The following LRRC20 variants were observed in gnomAD, a reference collection of about 807,000 sequenced individuals.
LRRC20 encodes the protein leucine-rich repeat-containing protein 20.
A neutral mutation model predicts 14.4 loss-of-function variants in LRRC20; 11 were observed. The observed-to-expected ratio is 0.77, with a 90% CI of 0.48 to 1.27. LRRC20 has a LOEUF of 1.27. Ranked by LOEUF, LRRC20 falls within the 50% of genes most tolerant of loss-of-function variation. The pLI, the probability that LRRC20 is intolerant of heterozygous loss-of-function variation, is 0.00. For missense variants in LRRC20, 219 were observed against 251.2 expected (o/e 0.87, Z 0.87); for synonymous variants, 121 against 107.3 (o/e 1.13, Z -0.79).
intron 2 of LRRC20, among the ~76,000 whole-genome samples, chr10:70,365,495 T>G (rs577864947): frequency 6.6e-6 from 1 of 152,196 alleles, no homozygotes; most frequent in African/African-American, 2.4e-5. Flanking sequence ...AAAAGTATCA[T>G]GTATAAAAGA....
At chr10:70,373,109 C>CAA (rs11356424) in intron 2 of LRRC20, among the ~76,000 whole-genome samples, 1 of 150,400 alleles carries the variant, frequency 6.6e-6, no homozygotes, top group Non-Finnish European at 1.5e-5. Context: ...GACTCCATCT[C>CAA]AAAAAAAAAA....
At chr10:70,364,910 C>A (rs1332573034) in intron 2 of LRRC20, among the ~76,000 whole-genome samples, 1 of 152,174 alleles carries the variant, frequency 6.6e-6, no homozygotes, top group East Asian at 1.9e-4. Flanking sequence ...AGGCAATGCC[C>A]CTGCCCCACC....
In LRRC20 at chr10:70,323,840, C is replaced by A. The variant is rs143872768; in HGVS notation, c.400+23G>T. 1,128 of 1,613,338 alleles carry A rather than the reference C, an allele frequency of 7.0e-4. 19 individuals carry two copies. In the East Asian group the frequency reaches 0.021, roughly 30 times the overall value. Reference sequence around the variant, plus strand: ...GAGCGCCTCGTGCAGCAGCCCAGGGCCAGGTGGGCCAGGCCCACTCACCTA... The same window carrying A: ...GAGCGCCTCGTGCAGCAGCCCAGGGACAGGTGGGCCAGGCCCACTCACCTA... On this transcript the variant is annotated intron_variant, in intron 4 of 4. Transcript: ENST00000446961.
chr10:70,324,128 G>C, intron 3 of LRRC20, 98 bp from the exon 4 acceptor site: 1 of 1,140,398 alleles, frequency 8.8e-7, no homozygotes, highest in South Asian at 1.3e-5. Flanking sequence ...CCTGGGCCAG[G>C]AAGGCACAGA....
chr10:70,321,317 G>A (rs1289518280), intron 4 of LRRC20, among the ~76,000 whole-genome samples: 6 of 152,102 alleles, frequency 3.9e-5, no homozygotes, highest in South Asian at 4.1e-4. Flanking sequence ...CCCTACCTTC[G>A]TCGCTGTCAC....
chr10:70,373,168 A>G (rs7080106), intron 2 of LRRC20, among the ~76,000 whole-genome samples: 147,573 of 152,244 alleles, frequency 0.97, 71,672 homozygotes, highest in Non-Finnish European at 1. Context: ...TTCTGGTGCT[A>G]GATGTTTAGG....
intron 2 of LRRC20, among the ~76,000 whole-genome samples, chr10:70,349,839 T>G (rs891536100): frequency 6.6e-6 from 1 of 152,170 alleles, no homozygotes; most frequent in African/African-American, 2.4e-5. Context: ...TAAGCAGGAC[T>G]TTCCTAATTT....
chr10:70,303,743 C>T (rs975099365), intron 4 of LRRC20, among the ~76,000 whole-genome samples: 6 of 152,168 alleles, frequency 3.9e-5, no homozygotes, highest in African/African-American at 1.4e-4. Flanking sequence ...TTAAGACAGC[C>T]CTAAGCTGAT....
chr10:70,321,968 C>T (rs1034040067), intron 4 of LRRC20, among the ~76,000 whole-genome samples: 5 of 152,226 alleles, frequency 3.3e-5, no homozygotes, highest in African/African-American at 9.6e-5. Flanking sequence ...CCAAAACAGC[C>T]GATCTTTGCT....
intron 4 of LRRC20, among the ~76,000 whole-genome samples, chr10:70,309,297 T>G (rs1197108201): frequency 6.6e-6 from 1 of 152,222 alleles, no homozygotes; most frequent in Non-Finnish European, 1.5e-5. Context: ...TGGGAACTGA[T>G]GTTTGAGGCC....
intron 4 of LRRC20, among the ~76,000 whole-genome samples, chr10:70,320,992 T>C (rs1842057577): frequency 6.6e-6 from 1 of 152,202 alleles, no homozygotes; most frequent in Non-Finnish European, 1.5e-5. Context: ...CCTCCCCGTC[T>C]TTCCAGCGCC....
At chr10:70,301,599 T>A in intron 4 of LRRC20, 91 bp from the exon 5 acceptor site, 1 of 1,471,390 alleles carries the variant, frequency 6.8e-7, no homozygotes, top group Non-Finnish European at 9.3e-7. Context: ...GAGCACCTGA[T>A]GGTGAGGGGC....
intron 2 of LRRC20, among the ~76,000 whole-genome samples, chr10:70,373,608 A>G (rs1376017027): frequency 6.6e-6 from 1 of 152,194 alleles, no homozygotes. Flanking sequence ...ACAGATGCAA[A>G]GGATCCCTGT....
rs1841128863 is a variant in LRRC20 at position 70,300,477 on chromosome 10, A to G, written c.*877T>C. 1.0e-6 allele frequency: 1 copy of G among 985,602 alleles called. No homozygotes were observed. The highest frequency in any genetic ancestry group is 1.2e-6 in the Non-Finnish European group (1 of 830,062). The allele number at this position is 985,602 out of a possible 1,614,324, so 61.1% of individuals were successfully genotyped here. A position where few individuals can be genotyped will look rare whatever the true frequency, so the allele number is the denominator to read the frequency against. On this transcript the variant is annotated 3_prime_UTR_variant, in exon 5 of 5. Transcript: ENST00000446961. ...CGCCTTCTGCCCCCAGGAGGCCATGACAAGGCAGCCAGGCTGCTGCTGGAC... is the reference window on the plus strand; with the variant it reads ...CGCCTTCTGCCCCCAGGAGGCCATGGCAAGGCAGCCAGGCTGCTGCTGGAC...
At chr10:70,372,611 T>A (rs1844333442) in intron 2 of LRRC20, among the ~76,000 whole-genome samples, 2 of 152,012 alleles carry the variant, frequency 1.3e-5, no homozygotes, top group Non-Finnish European at 2.9e-5. Context: ...CCGGCTAATT[T>A]TTTTGTATTT....
intron 3 of LRRC20, among the ~76,000 whole-genome samples, chr10:70,331,412 G>A (rs1213509092): frequency 2.0e-5 from 3 of 152,190 alleles, no homozygotes; most frequent in Admixed American, 2.0e-4. Flanking sequence ...CCCCAAACCA[G>A]GCATTTAAGG....
chr10:70,301,213 C>T lies in LRRC20; in HGVS notation c.*141G>A. On this transcript the variant is annotated 3_prime_UTR_variant, in exon 5 of 5. Transcript: ENST00000446961. The stretch of plus-strand genomic sequence containing the variant: ...TACTGCTGTAAGCTATCTATCCAGA[C>T]CAGCTGCACCCCACCCACCACGTGC... 1 of 1,439,122 alleles carries T rather than the reference C, an allele frequency of 6.9e-7. No individual in the cohort carries two copies. The highest frequency in any genetic ancestry group is 9.1e-7 in the Non-Finnish European group (1 of 1,101,184). The allele number at this position is 1,439,122 out of a possible 1,614,324, so 89.1% of individuals were successfully genotyped here. A position where few individuals can be genotyped will look rare whatever the true frequency, so the allele number is the denominator to read the frequency against.
At chr10:70,311,222 A>ATTTT (rs11314061) in intron 4 of LRRC20, among the ~76,000 whole-genome samples, 31 of 86,344 alleles carry the variant, frequency 3.6e-4, no homozygotes, top group African/African-American at 9.0e-4. Flanking sequence ...TCAACATTCC[A>ATTTT]TTTTTTTTTT....
intron 2 of LRRC20, among the ~76,000 whole-genome samples, chr10:70,362,727 A>AG (rs1589117965): frequency 8.9e-6 from 1 of 111,796 alleles, no homozygotes; most frequent in East Asian, 2.6e-4. Context: ...GCGTGCCTCA[A>AG]GGGGGGCAGT....
Sources: allele counts gnomAD v4.1 joint callset (sites outside exome capture counted in the v4.1 genomes callset), GRCh38; gene constraint gnomAD v4.1.1; transcripts MANE v1.5; gene names NCBI Gene and HGNC (gene_info 2026-07-23, HGNC 2026-07-21).